Variants in ZMAT4 observed in about 807,000 individuals in gnomAD.
ZMAT4 encodes zinc finger matrin-type 4.
ZMAT4 carries 17 observed loss-of-function variants against 28.7 expected under a neutral mutation model. That is an observed-to-expected ratio of 0.59 (90% confidence interval 0.41 to 0.89). The LOEUF is 0.89. Ranked by LOEUF, ZMAT4 falls within the 40% of genes least tolerant of loss-of-function variation. The pLI is 0.00. For missense variants in ZMAT4, 240 were observed against 283.8 expected (o/e 0.85, Z 1.11); for synonymous variants, 117 against 109.2 (o/e 1.07, Z -0.44).
At chr8:40,599,349 T>TAC (rs1312302339) in intron 5 of ZMAT4, among the ~76,000 whole-genome samples, 1 of 152,150 alleles carries the variant, frequency 6.6e-6, no homozygotes, top group African/African-American at 2.4e-5. Flanking sequence ...CACACATATG[T>TAC]ACACACACAT....
chr8:40,870,872 G>T (rs1177598953), intron 1 of ZMAT4, among the ~76,000 whole-genome samples: 2 of 152,210 alleles, frequency 1.3e-5, no homozygotes, highest in Non-Finnish European at 2.9e-5. Flanking sequence ...GGCTAAAGAA[G>T]AGGATGCTGG....
At chr8:40,622,228 C>A (rs1189866443) in intron 5 of ZMAT4, among the ~76,000 whole-genome samples, 1 of 152,146 alleles carries the variant, frequency 6.6e-6, no homozygotes, top group Non-Finnish European at 1.5e-5. Context: ...ATAGCTTATT[C>A]CAGATATTTG....
chr8:40,566,156 C>T lies in ZMAT4; in HGVS notation c.674+15009G>A, dbSNP rs548456913. ...AAGGAAAGTTCTGATGTTCCTCCGC[C>T]GTGACACACTATCTCACTGAAAACC... is the stretch of plus-strand genomic sequence containing the variant. On this transcript the variant is annotated intron_variant, in intron 6 of 6. Transcript: ENST00000297737. 1.5e-4 allele frequency among the ~76,000 whole-genome samples: 23 copies of T among 152,200 alleles called. No homozygotes were observed. In the East Asian group the frequency reaches 1.7e-3, roughly 12 times the overall value.
At chr8:40,801,641 GC>G (rs1455172440) in intron 2 of ZMAT4, among the ~76,000 whole-genome samples, 1 of 151,920 alleles carries the variant, frequency 6.6e-6, no homozygotes, top group African/African-American at 2.4e-5. Context: ...TTGAACTCCA[GC>G]CTGGGCAACA....
intron 2 of ZMAT4, among the ~76,000 whole-genome samples, chr8:40,810,670 TAAAC>T (rs1464636350): frequency 2.6e-5 from 4 of 152,040 alleles, no homozygotes; most frequent in South Asian, 2.1e-4. Flanking sequence ...AAGGGCTTCT[TAAAC>T]AAACTGTAGA....
chr8:40,771,642 G>A (rs1250957198), intron 2 of ZMAT4, among the ~76,000 whole-genome samples: 2 of 152,146 alleles, frequency 1.3e-5, no homozygotes, highest in Admixed American at 6.5e-5. Context: ...GGTATTAGAT[G>A]AGCCTTCTTA....
At chr8:40,865,130 A>C (rs941728407) in intron 1 of ZMAT4, among the ~76,000 whole-genome samples, 2 of 152,196 alleles carry the variant, frequency 1.3e-5, no homozygotes, top group Non-Finnish European at 2.9e-5. Flanking sequence ...ATATCTCAGC[A>C]AAAGTGAGGG....
chr8:40,601,087 T>A (rs567307536), intron 5 of ZMAT4, among the ~76,000 whole-genome samples: 1 of 152,190 alleles, frequency 6.6e-6, no homozygotes, highest in South Asian at 2.1e-4. Context: ...GTTGAAAGAA[T>A]ACAATGTAAG....
At chr8:40,653,160 A>G (rs887259910) in intron 5 of ZMAT4, among the ~76,000 whole-genome samples, 5 of 152,130 alleles carry the variant, frequency 3.3e-5, no homozygotes, top group African/African-American at 9.7e-5. Flanking sequence ...TAACCAATAG[A>G]TCAAGTTACA....
rs139718940 is a variant in ZMAT4, at chr8:40,882,143, C to T, written c.-5+15540G>A. ...TCATAAACCAGCCTTGTGGCCGCCT[C>T]GGAGCTCATTCTGCAACTCACAGCT... On this transcript the variant is annotated intron_variant, in intron 1 of 6. Coordinates refer to ENST00000297737, the MANE Select transcript of ZMAT4 (RefSeq NM_024645.3). 4.6e-3 allele frequency among the ~76,000 whole-genome samples: 704 copies of T among 152,232 alleles called. 4 individuals are homozygous for T. Among genetic ancestry groups the T allele is most frequent in the Non-Finnish European group, 6.9e-3 (472 of 68,026 alleles).
At chr8:40,721,090 C>G (rs1483105666) in intron 3 of ZMAT4, among the ~76,000 whole-genome samples, 1 of 145,412 alleles carries the variant, frequency 6.9e-6, no homozygotes, top group Non-Finnish European at 1.5e-5. Flanking sequence ...AACTCGTCAT[C>G]TAGCATTAGG....
At chr8:40,699,476 AT>A (rs1477124121) in intron 3 of ZMAT4, among the ~76,000 whole-genome samples, 1 of 152,182 alleles carries the variant, frequency 6.6e-6, no homozygotes, top group Non-Finnish European at 1.5e-5. Flanking sequence ...GGAAAAAAAA[AT>A]CATTGTGTTA....
chr8:40,693,257 T>C (rs1341405323), intron 4 of ZMAT4, among the ~76,000 whole-genome samples: 2 of 152,090 alleles, frequency 1.3e-5, no homozygotes, highest in East Asian at 3.9e-4. Context: ...GCTTGGACTA[T>C]AGGCATGTGC....
intron 2 of ZMAT4, among the ~76,000 whole-genome samples, chr8:40,768,432 T>G (rs1813251313): frequency 6.6e-6 from 1 of 152,154 alleles, no homozygotes; most frequent in South Asian, 2.1e-4. Flanking sequence ...TTGTTCCCTA[T>G]TTCCTCTTCT....
intron 5 of ZMAT4, among the ~76,000 whole-genome samples, chr8:40,624,251 C>G (rs1033599840): frequency 5.9e-5 from 9 of 152,116 alleles, no homozygotes; most frequent in African/African-American, 2.2e-4. Flanking sequence ...TATAAGATGA[C>G]AAAAAGAGAT....
intron 5 of ZMAT4, among the ~76,000 whole-genome samples, chr8:40,585,662 G>T (rs1486690105): frequency 1.3e-5 from 2 of 152,116 alleles, no homozygotes. Flanking sequence ...GATTCAGTAA[G>T]ATTATTACGG....
chr8:40,605,977 A>C (rs1408328948), intron 5 of ZMAT4, among the ~76,000 whole-genome samples: 1 of 152,144 alleles, frequency 6.6e-6, no homozygotes, highest in Non-Finnish European at 1.5e-5. Context: ...GTTTTGTCTG[A>C]TATAAGAATA....
At chr8:40,601,288 C>T (rs1805294637) in intron 5 of ZMAT4, among the ~76,000 whole-genome samples, 1 of 150,832 alleles carries the variant, frequency 6.6e-6, no homozygotes, top group Admixed American at 6.6e-5. Context: ...GTCCAGGGTA[C>T]TAATACCCAT....
At chr8:40,686,027 C>G (rs1809389139) in intron 4 of ZMAT4, among the ~76,000 whole-genome samples, 1 of 152,136 alleles carries the variant, frequency 6.6e-6, no homozygotes, top group South Asian at 2.1e-4. Context: ...TCACTTGCAC[C>G]TCAGCCATAC....
Sources: allele counts gnomAD v4.1 joint callset (sites outside exome capture counted in the v4.1 genomes callset), GRCh38; gene constraint gnomAD v4.1.1; transcripts MANE v1.5; gene names NCBI Gene and HGNC (gene_info 2026-07-23, HGNC 2026-07-21).